The following LAMA2 variants were observed in gnomAD, a reference collection of about 807,000 sequenced individuals.
LAMA2 encodes laminin subunit alpha-2.
LAMA2 carries 269 observed loss-of-function variants against 364.8 expected under a neutral mutation model. That is an observed-to-expected ratio of 0.74 (90% confidence interval 0.67 to 0.82). The LOEUF is 0.82. Among genes scored for constraint, LAMA2 ranks in the 40% least tolerant of loss-of-function variants. The pLI, the probability that LAMA2 is intolerant of heterozygous loss-of-function variation, is 0.00. For synonymous variants in LAMA2, 1,379 were observed against 1,370.6 expected, an observed-to-expected ratio of 1.01 and a Z score of -0.14; for missense variants, 3,807 against 3,873.2, an observed-to-expected ratio of 0.98 and a Z score of 0.45.
At chr6:128,918,098 G>C (rs1778461565) in intron 1 of LAMA2, among the ~76,000 whole-genome samples, 1 of 151,896 alleles carries the variant, frequency 6.6e-6, no homozygotes. Flanking sequence ...GTTATAAAGT[G>C]GTATGGGTTA....
chr6:129,137,620 AT>A (rs1341565928), intron 4 of LAMA2, among the ~76,000 whole-genome samples: 2 of 152,266 alleles, frequency 1.3e-5, no homozygotes, highest in East Asian at 3.9e-4. Context: ...GGAATTAAAA[AT>A]ATAGGTAAAA....
At chr6:129,099,064 C>G (rs1450122521) in intron 4 of LAMA2, among the ~76,000 whole-genome samples, 2 of 150,424 alleles carry the variant, frequency 1.3e-5, no homozygotes, top group African/African-American at 4.9e-5. Context: ...CATATTCTAA[C>G]CATGGCTTCA....
At chr6:129,376,871 A>T (rs979343387) in intron 34 of LAMA2, among the ~76,000 whole-genome samples, 2 of 152,156 alleles carry the variant, frequency 1.3e-5, no homozygotes, top group African/African-American at 4.8e-5. Context: ...TATATAGTCC[A>T]CCAGACTATA....
chr6:129,194,053 A>G (rs1744584273), intron 12 of LAMA2, among the ~76,000 whole-genome samples: 1 of 152,172 alleles, frequency 6.6e-6, no homozygotes, highest in Non-Finnish European at 1.5e-5. Flanking sequence ...TAAAAATCGA[A>G]TTAAACTTTT....
At chr6:129,488,088 T>A (rs1391732164) in intron 56 of LAMA2, among the ~76,000 whole-genome samples, 1 of 152,162 alleles carries the variant, frequency 6.6e-6, no homozygotes, top group Non-Finnish European at 1.5e-5. Context: ...GGCAGGTGGA[T>A]CATGAGGTCA....
chr6:128,912,989 A>T (rs1778083825), intron 1 of LAMA2, among the ~76,000 whole-genome samples: 1 of 152,186 alleles, frequency 6.6e-6, no homozygotes, highest in Admixed American at 6.5e-5. Context: ...GGGTTGACAA[A>T]TTGGGAGAAC....
In LAMA2 at chr6:129,499,235, A is replaced by G. The variant is rs577945290; in HGVS notation, c.8245-3424A>G. Among the ~76,000 whole-genome samples the G allele has an allele frequency of 1.2e-4, 19 of 152,238 alleles. No individual in the cohort carries two copies. In the East Asian group the frequency reaches 3.7e-3, roughly 29 times the overall value. ...AAGGTGGCAGAATTGTAACACGTTG[A>G]GATTGATGAGCCTCTACTGAGACTG... On this transcript the variant is annotated intron_variant, in intron 58 of 64. Transcript: ENST00000421865.
intron 1 of LAMA2, among the ~76,000 whole-genome samples, chr6:128,917,221 G>A (rs1778380402): frequency 6.6e-6 from 1 of 150,574 alleles, no homozygotes; most frequent in African/African-American, 2.4e-5. Context: ...TGTTTACTAT[G>A]TACTTACTAC....
chr6:129,033,595 T>C (rs534263793), intron 1 of LAMA2, among the ~76,000 whole-genome samples: 1 of 152,252 alleles, frequency 6.6e-6, no homozygotes, highest in South Asian at 2.1e-4. Context: ...CACAAGTACC[T>C]TTTTTTGGTT....
chr6:129,205,257 T>C (rs1327904289), intron 12 of LAMA2, among the ~76,000 whole-genome samples: 1 of 151,630 alleles, frequency 6.6e-6, no homozygotes. Context: ...CTGGACCTAG[T>C]GGCACACGCC....
At chr6:129,065,729 C>A (rs1160830613) in intron 3 of LAMA2, among the ~76,000 whole-genome samples, 1 of 152,106 alleles carries the variant, frequency 6.6e-6, no homozygotes. Flanking sequence ...TCTGTGTCCC[C>A]ACCCAAATTT....
At chr6:129,062,107 G>C (rs770475480) in intron 3 of LAMA2, among the ~76,000 whole-genome samples, 10 of 152,152 alleles carry the variant, frequency 6.6e-5, no homozygotes, top group Admixed American at 5.9e-4. Context: ...TTGGCCTCAG[G>C]CTTTGGAATA....
In LAMA2 at chr6:129,510,629, G is replaced by C. The variant is rs1319907904; in HGVS notation, c.8858-1734G>C. On this transcript the variant is annotated intron_variant, in intron 62 of 64. Coordinates refer to ENST00000421865, the MANE Select transcript of LAMA2 (RefSeq NM_000426.4). ...TCAACTGGTAAGAAATTGAAAGAAG[G>C]CAAGTAAAAATGATTAAAGACAAAA... Among the ~76,000 whole-genome samples the C allele has an allele frequency of 7.2e-5, 11 of 152,158 alleles. No homozygotes were observed. The East Asian group carries it at 2.1e-3, about 29-fold the overall frequency.
chr6:129,448,019 G>A (rs1360313394), intron 45 of LAMA2, among the ~76,000 whole-genome samples: 2 of 152,184 alleles, frequency 1.3e-5, no homozygotes, highest in African/African-American at 2.4e-5. Flanking sequence ...TGGGCATGGT[G>A]GCTCAAGCCT....
At chr6:129,501,983 A>C (rs1785678443) in intron 58 of LAMA2, among the ~76,000 whole-genome samples, 2 of 152,186 alleles carry the variant, frequency 1.3e-5, no homozygotes, top group African/African-American at 4.8e-5. Flanking sequence ...GCAGAGCATT[A>C]AACCATGTGA....
At chr6:129,508,431 T>TA (rs34903955) in intron 62 of LAMA2, among the ~76,000 whole-genome samples, 83,835 of 150,580 alleles carry the variant, frequency 0.56, 23,657 homozygotes, top group East Asian at 0.67. Flanking sequence ...TTTTTTTTTT[T>TA]ACTGTAGTTA....
At chr6:129,455,574 G>A (rs916466316) in intron 47 of LAMA2, among the ~76,000 whole-genome samples, 4 of 152,106 alleles carry the variant, frequency 2.6e-5, no homozygotes, top group African/African-American at 4.8e-5. Flanking sequence ...ATATGACATC[G>A]AAGTTTTGTT....
rs975864468 is a variant in LAMA2, at chr6:129,440,916, C to G, written c.6186C>G (p.Leu2062=). The G allele has an allele frequency of 6.2e-7, 1 of 1,613,758 alleles. No individual in the cohort carries two copies. The highest frequency in any genetic ancestry group is 2.2e-5 in the East Asian group (1 of 44,872). ...AGATTACAGAGCTCCACCAGAACCT[C>G]GATGGCCTGAAGAAGAATTACAATA... ...LAQITELHQN[L]DGLKKNYNKL... The change falls in exon 43 of 65, where the codon CTC becomes CTG. Residue 2062 remains leucine, a synonymous_variant. Coordinates refer to ENST00000421865, the MANE Select transcript of LAMA2 (RefSeq NM_000426.4).
chr6:129,324,041 C>T (rs1348613137), intron 28 of LAMA2, among the ~76,000 whole-genome samples: 3 of 152,208 alleles, frequency 2.0e-5, no homozygotes, highest in African/African-American at 7.2e-5. Flanking sequence ...CTTACATATG[C>T]ACACATCTAT....
Sources: gnomAD v4.1 joint callset for allele counts (sites outside exome capture counted in the v4.1 genomes callset) on GRCh38, gnomAD v4.1.1 for gene constraint, MANE v1.5 for transcripts, NCBI Gene and HGNC (gene_info 2026-07-23, HGNC 2026-07-21) for gene names.